Variants in TDRD12 observed in about 807,000 individuals in gnomAD.
TDRD12 encodes putative ATP-dependent RNA helicase TDRD12.
Under a neutral mutation model 133.5 loss-of-function variants are expected in TDRD12, and 158 were observed. The observed-to-expected ratio is 1.18, with a 90% CI of 1.04 to 1.35. TDRD12 has a LOEUF of 1.35. TDRD12 is among the 40% of genes most tolerant of loss of function. The probability of loss-of-function intolerance (pLI) is 0.00; values close to 1 mark genes in which losing one functional copy is unlikely to be tolerated. For synonymous variants in TDRD12, 460 were observed against 477.9 expected, an observed-to-expected ratio of 0.96 and a Z score of 0.49; for missense variants, 1,443 against 1,321.3, an observed-to-expected ratio of 1.09 and a Z score of -1.43.
rs578136612 is a variant in TDRD12, at chr19:32,805,461, A to G, written c.2553-2088A>G. Among the ~76,000 whole-genome samples the G allele has an allele frequency of 4.6e-5, 7 of 151,812 alleles. 1 individual carries two copies. The highest frequency in any genetic ancestry group is 1.7e-4 in the African/African-American group (7 of 41,508). On this transcript the variant is annotated intron_variant, in intron 21 of 27. Transcript: ENST00000444215. ...AAGGTTTGATTTTTCCATATGGATA[A>G]TGGTTTGCTCCAGCATCGTTTATTT...
At chr19:32,782,173 G>A (rs567759643) in intron 11 of TDRD12, among the ~76,000 whole-genome samples, 225 of 145,698 alleles carry the variant, frequency 1.5e-3, no homozygotes, top group South Asian at 3.3e-3. Context: ...GTATCCATGC[G>A]TTCTCATTGT....
intron 9 of TDRD12, 91 bp from the exon 10 acceptor site, chr19:32,773,365 A>G (rs1324855796): frequency 3.6e-6 from 4 of 1,113,680 alleles, no homozygotes; most frequent in Non-Finnish European, 5.3e-6. Flanking sequence ...GTTGTTCATG[A>G]GAATAACTCC....
intron 1 of TDRD12, among the ~76,000 whole-genome samples, chr19:32,726,153 T>A (rs1374376115): frequency 1.3e-5 from 2 of 151,856 alleles, no homozygotes; most frequent in South Asian, 2.1e-4. Context: ...CGATCTCAGC[T>A]CACTGCAAGC....
intron 8 of TDRD12, among the ~76,000 whole-genome samples, chr19:32,768,547 TAG>T (rs1970361870): frequency 6.6e-6 from 1 of 152,030 alleles, no homozygotes; most frequent in African/African-American, 2.4e-5. Context: ...AAATTTTATT[TAG>T]AGACAGGTTT....
At chr19:32,790,269 A>T (rs971635480) in intron 11 of TDRD12, among the ~76,000 whole-genome samples, 1 of 152,162 alleles carries the variant, frequency 6.6e-6, no homozygotes, top group Non-Finnish European at 1.5e-5. Flanking sequence ...TAAAATAAAG[A>T]TAGTAAAGTA....
chr19:32,729,085 A>C (rs1343469333), intron 1 of TDRD12, among the ~76,000 whole-genome samples: 3 of 149,322 alleles, frequency 2.0e-5, no homozygotes, highest in Non-Finnish European at 4.4e-5. Flanking sequence ...TTTTGTTTTC[A>C]ACTCACTCTA....
chr19:32,742,956 C>T, intron 4 of TDRD12, 56 bp downstream of exon 4: 2 of 1,541,424 alleles, frequency 1.3e-6, no homozygotes, highest in Non-Finnish European at 1.8e-6. Context: ...CTATCAAGTG[C>T]ACGATCTTTG....
At chr19:32,798,640 A>G (rs532278866) in intron 16 of TDRD12, among the ~76,000 whole-genome samples, 45 of 152,376 alleles carry the variant, frequency 3.0e-4, no homozygotes, top group African/African-American at 1.1e-3. Flanking sequence ...AAGTGCAAAC[A>G]TTCTTTCCTA....
At chr19:32,762,603 G>C (rs1474549231) in intron 8 of TDRD12, among the ~76,000 whole-genome samples, 1 of 152,170 alleles carries the variant, frequency 6.6e-6, no homozygotes, top group Non-Finnish European at 1.5e-5. Context: ...AGGTAAAACT[G>C]GTGTTGGGAT....
chr19:32,802,456 T>C (rs1309849408), intron 19 of TDRD12, among the ~76,000 whole-genome samples, 200 bp from the exon 20 acceptor site: 1 of 152,004 alleles, frequency 6.6e-6, no homozygotes, highest in Non-Finnish European at 1.5e-5. Flanking sequence ...TTTTTCAGGC[T>C]AAGAAGGAGA....
At chr19:32,769,997 C>T (rs1599561978) in intron 8 of TDRD12, among the ~76,000 whole-genome samples, 1 of 144,268 alleles carries the variant, frequency 6.9e-6, no homozygotes, top group Non-Finnish European at 1.5e-5. Flanking sequence ...GGTATGTGTT[C>T]TTTTTTTTTT....
chr19:32,795,775 C>T (rs1971208065), intron 14 of TDRD12, among the ~76,000 whole-genome samples: 1 of 152,258 alleles, frequency 6.6e-6, no homozygotes, highest in African/African-American at 2.4e-5. Context: ...TCGGCTTCTG[C>T]GGAAGCCTCA....
exon 1 of TDRD12, chr19:32,719,776 G>C (rs1178958696): frequency 3.8e-6 from 2 of 523,012 alleles, no homozygotes; most frequent in East Asian, 3.4e-5. Context: ...CCTGCTCAGC[G>C]TGCGCGGGCA....
intron 1 of TDRD12, among the ~76,000 whole-genome samples, chr19:32,728,375 A>G (rs969457248): frequency 1.3e-5 from 2 of 152,158 alleles, no homozygotes; most frequent in African/African-American, 4.8e-5. Flanking sequence ...ATGATATTAA[A>G]TCTTCCAGTC....
chr19:32,774,744 G>A lies in TDRD12; in HGVS notation c.1040+1212G>A, dbSNP rs112774126. ...GCCTGTATTCCTAGCACTTTGGGAG[G>A]CCAAGGTGGGCAGACCTCACCCGAG... On this transcript the variant is annotated intron_variant, in intron 10 of 27. Coordinates refer to ENST00000444215, the Ensembl canonical transcript of TDRD12. Among the ~76,000 whole-genome samples, 27 of 152,228 alleles carry A rather than the reference G, an allele frequency of 1.8e-4. 1 individual carries two copies. The highest frequency in any genetic ancestry group is 6.5e-4 in the African/African-American group (27 of 41,536).
chr19:32,719,958 G>A, exon 1 of TDRD12: 4 of 1,319,326 alleles, frequency 3.0e-6, no homozygotes, highest in Non-Finnish European at 2.1e-6. Context: ...TAAAGGTGGA[G>A]GGAAGGAACG....
intron 10 of TDRD12, among the ~76,000 whole-genome samples, chr19:32,776,922 C>CAA (rs1471157558): frequency 6.6e-6 from 1 of 152,150 alleles, no homozygotes; most frequent in Non-Finnish European, 1.5e-5. Flanking sequence ...GGGTCTTGCT[C>CAA]TTGTTGCCCA....
chr19:32,740,159 A>C (rs1274056244), intron 3 of TDRD12, among the ~76,000 whole-genome samples: 8 of 49,286 alleles, frequency 1.6e-4, no homozygotes, highest in Admixed American at 4.8e-4. Flanking sequence ...TCTCCTGGGT[A>C]CTCTCTGCAT....
At chr19:32,789,577 T>C (rs891810242) in intron 11 of TDRD12, among the ~76,000 whole-genome samples, 1 of 152,226 alleles carries the variant, frequency 6.6e-6, no homozygotes, top group Non-Finnish European at 1.5e-5. Flanking sequence ...GGCTCATCTC[T>C]GCCATATCAT....
Sources: allele counts gnomAD v4.1 joint callset (sites outside exome capture counted in the v4.1 genomes callset), GRCh38; gene constraint gnomAD v4.1.1; transcripts MANE v1.5; gene names NCBI Gene and HGNC (gene_info 2026-07-23, HGNC 2026-07-21).